Variants in RABEP2 observed in about 807,000 individuals in gnomAD.
RABEP2 encodes rabaptin, RAB GTPase binding effector protein 2.
In RABEP2, 57 loss-of-function variants were observed where a neutral mutation model predicts 74.1. The observed-to-expected ratio is 0.77, with a 90% CI of 0.62 to 0.96. The LOEUF is 0.96. Ranked by LOEUF, RABEP2 falls within the 40% of genes least tolerant of loss-of-function variation. RABEP2 has a pLI of 0.00. For missense variants in RABEP2, 692 were observed against 756.3 expected (o/e 0.91, Z 1.00); for synonymous variants, 351 against 344.0 (o/e 1.02, Z -0.23).
chr16:28,923,146 A>T (rs1159934628), intron 2 of RABEP2, among the ~76,000 whole-genome samples: 3 of 151,948 alleles, frequency 2.0e-5, no homozygotes, highest in African/African-American at 7.3e-5. Flanking sequence ...GGTGGCTCAC[A>T]CCTGTAATCC....
Position 28,904,636 on chromosome 16 carries a change from C to A in RABEP2, c.*307G>T. The A allele has an allele frequency of 1.1e-6, 1 of 917,044 alleles. No homozygotes were observed. 56.8% of individuals were successfully genotyped at this position (917,044 alleles called of 1,614,324 possible). A position where few individuals can be genotyped will look rare whatever the true frequency, so the allele number is the denominator to read the frequency against. ...CGCTGTGCCCTGGGCAGGGGACGGG[C>A]TGGGGGCAGGGGAGGGCTGGAGCCC... On this transcript the variant is annotated 3_prime_UTR_variant, in exon 13 of 13. Transcript: ENST00000358201.
chr16:28,922,630 C>A (rs1004507970), intron 2 of RABEP2, among the ~76,000 whole-genome samples: 7 of 151,618 alleles, frequency 4.6e-5, no homozygotes, highest in Non-Finnish European at 1.0e-4. Context: ...GAGGCTGAGG[C>A]AGGAGAATAG....
chr16:28,914,844 G>A, intron 3 of RABEP2, 62 bp from the exon 4 acceptor site: 1 of 1,424,782 alleles, frequency 7.0e-7, no homozygotes, highest in Non-Finnish European at 9.8e-7. Context: ...CCCCGGGTCT[G>A]TTCAGAGCTT....
intron 3 of RABEP2, among the ~76,000 whole-genome samples, chr16:28,918,528 T>C (rs533337064): frequency 5.1e-4 from 77 of 151,864 alleles, no homozygotes; most frequent in African/African-American, 1.8e-3. Context: ...GGCAGGAGAA[T>C]CACTTGAACC....
At chr16:28,915,067 C>T (rs1362934884) in intron 3 of RABEP2, among the ~76,000 whole-genome samples, 2 of 127,312 alleles carry the variant, frequency 1.6e-5, no homozygotes, top group African/African-American at 2.9e-5. Flanking sequence ...AGAACTTTAC[C>T]TTTTTTTTTT....
At chr16:28,908,892 G>GC in intron 7 of RABEP2, 128 bp from the exon 8 acceptor site, 1 of 1,018,164 alleles carries the variant, frequency 9.8e-7, no homozygotes, top group East Asian at 2.5e-5. Flanking sequence ...CTGTTCCTAA[G>GC]CAAGGAAGGA....
intron 5 of RABEP2, among the ~76,000 whole-genome samples, chr16:28,913,175 C>T (rs561221629): frequency 1.5e-4 from 23 of 152,128 alleles, no homozygotes; most frequent in African/African-American, 5.3e-4. Context: ...GGTGATCTGC[C>T]CATCTCGGCC....
At position 28,904,563 on chromosome 16, in the gene RABEP2, G is replaced by A. The variant is rs1009204635; in HGVS notation, c.*380C>T. 51 of 1,382,668 alleles carry A rather than the reference G, an allele frequency of 3.7e-5. No individual in the cohort carries two copies. The highest frequency in any genetic ancestry group is 6.6e-5 in the Admixed American group (3 of 45,384). 85.6% of individuals were successfully genotyped at this position (1,382,668 alleles called of 1,614,324 possible). Reference sequence around the variant, plus strand: ...GAAGGCAGCTGCCTGTCCCAGGGCCGGGGCCCACCTCACTGCCTCTGATGG... The same window carrying A: ...GAAGGCAGCTGCCTGTCCCAGGGCCAGGGCCCACCTCACTGCCTCTGATGG... On this transcript the variant is annotated 3_prime_UTR_variant, in exon 13 of 13. Transcript: ENST00000358201.
At chr16:28,911,574 G>C (rs1964314635) in intron 5 of RABEP2, among the ~76,000 whole-genome samples, 1 of 150,896 alleles carries the variant, frequency 6.6e-6, no homozygotes, top group Non-Finnish European at 1.5e-5. Context: ...TGAGGCAGGA[G>C]ATTCACTTAA....
intron 1 of RABEP2, 183 bp downstream of exon 1, chr16:28,924,920 T>A (rs916415440): frequency 2.4e-6 from 2 of 842,960 alleles, no homozygotes; most frequent in African/African-American, 1.7e-5. Flanking sequence ...TCACTGGCCC[T>A]ACCCCTTCAA....
rs1964271050 is a variant in RABEP2, at chr16:28,908,751, G to A, written c.1103C>T (p.Thr368Ile). The change falls in exon 8 of 13, where the codon ACC becomes ATC. Residue 368 changes from threonine (T) to isoleucine (I), a missense_variant. Coordinates refer to ENST00000358201, the MANE Select transcript of RABEP2 (RefSeq NM_024816.3). ...RVQLQMAELV[T>I]THKCLHHEVK... ...CTCATGGTGCAGGCACTTGTGGGTG[G>A]TGACCAGCTCCGCCTATGGACAGAC... The A allele has an allele frequency of 6.2e-7, 1 of 1,613,998 alleles. No individual in the cohort carries two copies. Among genetic ancestry groups the A allele is most frequent in the Admixed American group, 1.7e-5 (1 of 59,988 alleles).
Position 28,915,826 on chromosome 16 carries a change from G to A in RABEP2, c.433-1044C>T, listed in dbSNP as rs149957354. ...GCTGGGATTACAGGTGTGAGCCACC[G>A]TGCCTGGCCCAGGACAACTTTTTTT... On this transcript the variant is annotated intron_variant, in intron 3 of 12. Transcript: ENST00000358201. 2.6e-3 allele frequency among the ~76,000 whole-genome samples: 388 copies of A among 151,616 alleles called. 5 individuals are homozygous for A. The highest frequency in any genetic ancestry group is 9.0e-3 in the African/African-American group (371 of 41,304).
intron 2 of RABEP2, chr16:28,920,945 C>A (rs1043221990): frequency 3.4e-6 from 1 of 293,206 alleles, no homozygotes; most frequent in Non-Finnish European, 6.8e-6. Context: ...CTCACTGCAA[C>A]CTCAGCCTCC....
rs558066288 is a variant in RABEP2 at position 28,918,300 on chromosome 16, T to C, written c.432+1486A>G. Among the ~76,000 whole-genome samples, 11 of 152,126 alleles carry C rather than the reference T, an allele frequency of 7.2e-5. No homozygotes were observed. The East Asian group carries it at 2.1e-3, about 29-fold the overall frequency. ...CAATAATAAAGGAGGTGACATATCA[T>C]AGAGATTAAGAACACTTTCGAACCA... On this transcript the variant is annotated intron_variant, in intron 3 of 12. Transcript: ENST00000358201.
intron 3 of RABEP2, 55 bp from the exon 4 acceptor site, chr16:28,914,837 C>T (rs913762152): frequency 7.9e-5 from 119 of 1,509,556 alleles, no homozygotes; most frequent in African/African-American, 4.0e-4. Context: ...GCTGAAGCCC[C>T]GGGTCTGTTC....
chr16:28,907,178 T>TA lies in RABEP2; in HGVS notation c.1246-983_1246-982insT, dbSNP rs1964248727. 2.0e-5 allele frequency among the ~76,000 whole-genome samples: 3 copies of TA among 149,718 alleles called. No individual in the cohort carries two copies. The South Asian group carries it at 6.4e-4, about 32-fold the overall frequency. On this transcript the variant is annotated intron_variant, in intron 8 of 12. Coordinates refer to ENST00000358201, the MANE Select transcript of RABEP2 (RefSeq NM_024816.3). ...TTTGCCTTTGTTTTTTTTTTTTTTT[T>TA]GAGACAGGGTCTCACTCTGTGGCCC... is the stretch of plus-strand genomic sequence containing the variant.
chr16:28,919,551 C>G, intron 3 of RABEP2: 1 of 400,676 alleles, frequency 2.5e-6, no homozygotes, highest in Non-Finnish European at 4.4e-6. Flanking sequence ...GTTCCCTTCC[C>G]TCTACATAAC....
intron 2 of RABEP2, 57 bp from the exon 3 acceptor site, chr16:28,920,000 G>A: frequency 1.3e-6 from 2 of 1,502,670 alleles, no homozygotes; most frequent in South Asian, 1.3e-5. Flanking sequence ...AGCCCTGCCT[G>A]TGGGCGAGCA....
intron 9 of RABEP2, 39 bp downstream of exon 9, chr16:28,905,980 C>T: frequency 6.2e-7 from 1 of 1,610,850 alleles, no homozygotes; most frequent in Non-Finnish European, 8.5e-7. Flanking sequence ...CGACAGGGGC[C>T]CTGGGCCCGG....
Sources: allele counts gnomAD v4.1 joint callset (sites outside exome capture counted in the v4.1 genomes callset), GRCh38; gene constraint gnomAD v4.1.1; transcripts MANE v1.5; gene names NCBI Gene and HGNC (gene_info 2026-07-23, HGNC 2026-07-21).